Variants in PIK3C3 observed in about 807,000 individuals in gnomAD.
PIK3C3 encodes the protein PI3-kinase type 3.
Under a neutral mutation model 126.1 loss-of-function variants are expected in PIK3C3, and 95 were observed. The observed-to-expected ratio is 0.75, with a 90% CI of 0.64 to 0.89. PIK3C3 has a LOEUF of 0.89. PIK3C3 is among the 40% of genes least tolerant of loss of function. The pLI is 0.00. For missense variants in PIK3C3, 829 were observed against 1,063.2 expected, an observed-to-expected ratio of 0.78 and a Z score of 3.06; for synonymous variants, 374 against 360.0, an observed-to-expected ratio of 1.04 and a Z score of -0.44.
chr18:42,005,289 A>G (rs1369092977), intron 10 of PIK3C3, among the ~76,000 whole-genome samples: 2 of 152,202 alleles, frequency 1.3e-5, no homozygotes, highest in African/African-American at 4.8e-5. Context: ...TAAATACCTT[A>G]GGCAGTTGTA....
At chr18:42,002,687 G>C (rs1982345036) in intron 9 of PIK3C3, among the ~76,000 whole-genome samples, 1 of 152,158 alleles carries the variant, frequency 6.6e-6, no homozygotes, top group Admixed American at 6.6e-5. Context: ...ATGTTGTGGG[G>C]TATTTCTGCT....
intron 16 of PIK3C3, among the ~76,000 whole-genome samples, chr18:42,037,134 A>C (rs951763771): frequency 3.3e-5 from 5 of 152,220 alleles, no homozygotes; most frequent in African/African-American, 7.2e-5. Context: ...AACATTTGCA[A>C]GCATTTCTGT....
intron 16 of PIK3C3, among the ~76,000 whole-genome samples, chr18:42,034,709 A>G (rs927779052): frequency 1.3e-5 from 2 of 152,200 alleles, no homozygotes; most frequent in African/African-American, 4.8e-5. Context: ...ATTATCTGTC[A>G]GCATCATACT....
intron 16 of PIK3C3, 97 bp downstream of exon 16, chr18:42,034,054 C>A: frequency 1.4e-6 from 1 of 740,412 alleles, no homozygotes; most frequent in Non-Finnish European, 2.1e-6. Flanking sequence ...GCAGAGATCA[C>A]ATCTATAATT....
intron 10 of PIK3C3, among the ~76,000 whole-genome samples, chr18:42,005,036 G>T (rs941982440): frequency 2.0e-5 from 3 of 152,166 alleles, no homozygotes; most frequent in African/African-American, 7.2e-5. Flanking sequence ...ATATGTATAT[G>T]TAGATTTTCT....
At chr18:42,080,019 G>A (rs1204688698) in intron 24 of PIK3C3, among the ~76,000 whole-genome samples, 1 of 151,618 alleles carries the variant, frequency 6.6e-6, no homozygotes, top group African/African-American at 2.4e-5. Flanking sequence ...GTGTGTGTGT[G>A]TGTGTGTGTA....
At chr18:42,023,429 G>A (rs1018170493) in intron 13 of PIK3C3, among the ~76,000 whole-genome samples, 2 of 152,092 alleles carry the variant, frequency 1.3e-5, no homozygotes, top group Non-Finnish European at 2.9e-5. Flanking sequence ...TTTCCTATAA[G>A]CAAAGTACAG....
At chr18:42,038,939 C>A in intron 18 of PIK3C3, 89 bp downstream of exon 18, 4 of 767,892 alleles carry the variant, frequency 5.2e-6, no homozygotes, top group Non-Finnish European at 8.5e-6. Flanking sequence ...GTTAGAGATA[C>A]AAATAAATTC....
intron 15 of PIK3C3, 82 bp from the exon 16 acceptor site, chr18:42,033,744 A>G: frequency 2.9e-6 from 3 of 1,033,316 alleles, no homozygotes; most frequent in South Asian, 1.6e-5. Context: ...AAGTTAATGG[A>G]ATCAATTTTT....
intron 19 of PIK3C3, among the ~76,000 whole-genome samples, chr18:42,042,428 A>G (rs1371455878): frequency 6.6e-6 from 1 of 152,138 alleles, no homozygotes. Flanking sequence ...CCTTCTAGCA[A>G]GTCAAACCTG....
chr18:42,033,326 A>C (rs1598915141), intron 15 of PIK3C3, among the ~76,000 whole-genome samples: 1 of 152,364 alleles, frequency 6.6e-6, no homozygotes, highest in Middle Eastern at 3.4e-3. Context: ...TTGACCATAC[A>C]GACTCAGTGA....
At chr18:41,994,409 AGTTATT>A (rs1320958458) in intron 7 of PIK3C3, among the ~76,000 whole-genome samples, 3 of 152,184 alleles carry the variant, frequency 2.0e-5, no homozygotes, top group African/African-American at 7.2e-5. Flanking sequence ...CTGCAGTTAT[AGTTATT>A]TGTTAAATGC....
intron 4 of PIK3C3, among the ~76,000 whole-genome samples, chr18:41,979,874 C>T (rs1229180466): frequency 7.5e-6 from 1 of 132,742 alleles, no homozygotes; most frequent in African/African-American, 2.8e-5. Flanking sequence ...GGAATCATGC[C>T]ATTATTATTA....
intron 24 of PIK3C3, among the ~76,000 whole-genome samples, 169 bp from the exon 25 acceptor site, chr18:42,080,954 A>G (rs1986224847): frequency 6.6e-6 from 1 of 152,202 alleles, no homozygotes; most frequent in African/African-American, 2.4e-5. Context: ...GTGAAGCCTC[A>G]GGAATCCTAT....
At chr18:42,078,347 G>T (rs1009164206) in intron 24 of PIK3C3, among the ~76,000 whole-genome samples, 1 of 135,912 alleles carries the variant, frequency 7.4e-6, no homozygotes, top group African/African-American at 2.9e-5. Context: ...ACTGCAGTCC[G>T]CAGTCCGGCC....
chr18:42,022,362 A>G (rs910190428), intron 13 of PIK3C3, among the ~76,000 whole-genome samples: 2 of 151,680 alleles, frequency 1.3e-5, no homozygotes, highest in Non-Finnish European at 2.9e-5. Flanking sequence ...TTCAATTCCC[A>G]CCTGTGAGTG....
intron 3 of PIK3C3, among the ~76,000 whole-genome samples, chr18:41,968,745 C>T (rs1980499463): frequency 6.6e-6 from 1 of 151,750 alleles, no homozygotes; most frequent in Admixed American, 6.6e-5. Flanking sequence ...TTTTATTAGC[C>T]AGAACATTAT....
chr18:41,967,274 G>A (rs988873014), intron 3 of PIK3C3, among the ~76,000 whole-genome samples: 3 of 152,048 alleles, frequency 2.0e-5, no homozygotes, highest in Non-Finnish European at 4.4e-5. Flanking sequence ...GGGAGTCAGG[G>A]CAATATGAGT....
At chr18:41,987,628 AT>A (rs1446289825) in intron 4 of PIK3C3, among the ~76,000 whole-genome samples, 183 bp from the exon 5 acceptor site, 3 of 152,132 alleles carry the variant, frequency 2.0e-5, no homozygotes, top group African/African-American at 7.2e-5. Flanking sequence ...AAAAAATTTA[AT>A]TGTTTTTCTT....
Sources: gnomAD v4.1 joint callset for allele counts (sites outside exome capture counted in the v4.1 genomes callset) on GRCh38, gnomAD v4.1.1 for gene constraint, MANE v1.5 for transcripts, NCBI Gene and HGNC (gene_info 2026-07-23, HGNC 2026-07-21) for gene names.